Variants in ARHGAP10 observed in about 807,000 individuals in gnomAD.
ARHGAP10 encodes the protein Rho GTPase activating protein 10, also known as rho GTPase-activating protein 10.
In ARHGAP10, 87 loss-of-function variants were observed where a neutral mutation model predicts 108.6. That is an observed-to-expected ratio of 0.80 (90% CI 0.67 to 0.96). ARHGAP10 has a LOEUF of 0.96. Ranked by LOEUF, ARHGAP10 falls within the 40% of genes least tolerant of loss-of-function variation. The probability of loss-of-function intolerance (pLI) is 0.00; values close to 1 mark genes in which losing one functional copy is unlikely to be tolerated. For missense variants in ARHGAP10, 939 were observed against 954.5 expected (o/e 0.98, Z 0.21); for synonymous variants, 347 against 341.1 (o/e 1.02, Z -0.19).
At chr4:148,035,431 C>A (rs772480847) in intron 19 of ARHGAP10, among the ~76,000 whole-genome samples, 25 of 152,114 alleles carry the variant, frequency 1.6e-4, no homozygotes, top group Non-Finnish European at 3.7e-4. Context: ...GAGTAGGAAG[C>A]TCTTTTCTTG....
intron 22 of ARHGAP10, among the ~76,000 whole-genome samples, chr4:148,070,777 G>C (rs568828558): frequency 2.6e-5 from 4 of 152,264 alleles, no homozygotes; most frequent in African/African-American, 9.6e-5. Flanking sequence ...GAGTTGGTCC[G>C]CTGGAGTAGC....
chr4:148,047,002 A>G lies in ARHGAP10; in HGVS notation c.1978A>G (p.Asn660Asp). Residue 660 changes from asparagine (N) to aspartate (D), a missense_variant, in exon 20 of 23, where the codon AAC becomes GAC. Asn to Asp is a conservative substitution (Grantham distance 23, BLOSUM62 1). Coordinates refer to ENST00000336498, the MANE Select transcript of ARHGAP10 (RefSeq NM_024605.4). ...CCCTGGGCCTCCTGGACCAGACAAAAACCACCTTCTGGCAGATGGAGGGAG... is the reference window on the plus strand; with the variant it reads ...CCCTGGGCCTCCTGGACCAGACAAAGACCACCTTCTGGCAGATGGAGGGAG... ...AVPGPPGPDK[N>D]HLLADGGSFG... 1.2e-6 allele frequency: 2 copies of G among 1,613,920 alleles called. No individual in the cohort carries two copies. The highest frequency in any genetic ancestry group is 8.5e-7 in the Non-Finnish European group (1 of 1,179,942).
At chr4:147,907,649 A>G (rs1736552693) in intron 11 of ARHGAP10, among the ~76,000 whole-genome samples, 3 of 152,206 alleles carry the variant, frequency 2.0e-5, no homozygotes, top group Non-Finnish European at 4.4e-5. Flanking sequence ...AAAAGAGAGC[A>G]AGGAGGCTGA....
intron 19 of ARHGAP10, among the ~76,000 whole-genome samples, chr4:148,042,766 C>T (rs899147596): frequency 6.6e-6 from 1 of 152,068 alleles, no homozygotes; most frequent in African/African-American, 2.4e-5. Flanking sequence ...CTGTGGTATG[C>T]CTTTGTACAT....
intron 20 of ARHGAP10, among the ~76,000 whole-genome samples, chr4:148,057,648 C>T (rs778294399): frequency 2.0e-5 from 3 of 152,226 alleles, no homozygotes; most frequent in East Asian, 1.9e-4. Context: ...GCATTAGCTC[C>T]GCACAGATGC....
intron 1 of ARHGAP10, among the ~76,000 whole-genome samples, chr4:147,743,336 T>G (rs1728772842): frequency 6.6e-6 from 1 of 152,054 alleles, no homozygotes; most frequent in Non-Finnish European, 1.5e-5. Context: ...CAGCCGATAG[T>G]TTTGTTTTTA....
chr4:148,029,434 G>A (rs546561643), intron 19 of ARHGAP10, among the ~76,000 whole-genome samples: 1 of 152,322 alleles, frequency 6.6e-6, no homozygotes, highest in African/African-American at 2.4e-5. Context: ...TAAGTGAATT[G>A]TAACTACTCT....
At chr4:148,053,332 C>T (rs1419501940) in intron 20 of ARHGAP10, among the ~76,000 whole-genome samples, 1 of 152,216 alleles carries the variant, frequency 6.6e-6, no homozygotes, top group Non-Finnish European at 1.5e-5. Context: ...ACAGCCATGG[C>T]TGTCAACTGG....
chr4:148,000,731 A>T (rs1329554044), intron 18 of ARHGAP10, among the ~76,000 whole-genome samples: 1 of 152,192 alleles, frequency 6.6e-6, no homozygotes, highest in Non-Finnish European at 1.5e-5. Context: ...TCGTCTTTTG[A>T]GAAGTGTCTG....
intron 1 of ARHGAP10, among the ~76,000 whole-genome samples, chr4:147,749,285 GA>G (rs1335430954): frequency 6.6e-6 from 1 of 152,046 alleles, no homozygotes; most frequent in Admixed American, 6.6e-5. Context: ...CTGACCAGAG[GA>G]AAAAATTTAG....
intron 5 of ARHGAP10, chr4:147,861,056 C>T (rs1322053709): frequency 6.6e-6 from 1 of 152,280 alleles, no homozygotes; most frequent in South Asian, 2.1e-4. Context: ...GCCCGCTGGG[C>T]TTGTTCTGCC....
chr4:148,065,694 A>T (rs1340546908), intron 22 of ARHGAP10: 4 of 152,170 alleles, frequency 2.6e-5, no homozygotes, highest in Non-Finnish European at 2.9e-5. Flanking sequence ...GAGAAATGTG[A>T]TGAATTTTTA....
intron 7 of ARHGAP10, among the ~76,000 whole-genome samples, chr4:147,874,006 C>T (rs945746218): frequency 5.9e-5 from 9 of 151,688 alleles, no homozygotes; most frequent in Admixed American, 5.9e-4. Context: ...TGATATTTCT[C>T]GCAGCTCTTA....
chr4:147,934,319 A>T (rs1397536489), intron 13 of ARHGAP10, among the ~76,000 whole-genome samples: 16 of 152,168 alleles, frequency 1.1e-4, no homozygotes, highest in Admixed American at 9.2e-4. Context: ...TGCACTCTCA[A>T]AGTGACCCTC....
chr4:147,761,584 G>C (rs1729594907), intron 1 of ARHGAP10, among the ~76,000 whole-genome samples: 1 of 152,160 alleles, frequency 6.6e-6, no homozygotes. Flanking sequence ...TGAAGGAGCA[G>C]TCTTTCAGGA....
intron 8 of ARHGAP10, among the ~76,000 whole-genome samples, chr4:147,877,182 AT>A (rs1028574387): frequency 6.6e-6 from 1 of 151,188 alleles, no homozygotes; most frequent in Non-Finnish European, 1.5e-5. Flanking sequence ...CTAAGCTTAA[AT>A]TTTTTTTGGA....
At chr4:147,732,727 C>G (rs963903356) in intron 1 of ARHGAP10, among the ~76,000 whole-genome samples, 1 of 152,170 alleles carries the variant, frequency 6.6e-6, no homozygotes, top group Non-Finnish European at 1.5e-5. Flanking sequence ...CGCCTGGCCC[C>G]GGCCGAACAC....
intron 20 of ARHGAP10, among the ~76,000 whole-genome samples, chr4:148,054,943 C>T (rs763800531): frequency 2.6e-5 from 4 of 152,148 alleles, no homozygotes; most frequent in Non-Finnish European, 4.4e-5. Flanking sequence ...GGCAGCTGGT[C>T]GAAACATTCC....
At chr4:148,011,577 G>A (rs1299725403) in intron 18 of ARHGAP10, among the ~76,000 whole-genome samples, 1 of 152,226 alleles carries the variant, frequency 6.6e-6, no homozygotes, top group Non-Finnish European at 1.5e-5. Flanking sequence ...AGCATCAGAA[G>A]TCATATATAG....
Sources: allele counts gnomAD v4.1 joint callset (sites outside exome capture counted in the v4.1 genomes callset), GRCh38; gene constraint gnomAD v4.1.1; transcripts MANE v1.5; gene names NCBI Gene and HGNC (gene_info 2026-07-23, HGNC 2026-07-21).